Variants in THSD7A observed in about 807,000 individuals in gnomAD.
The protein encoded by THSD7A is thrombospondin type-1 domain-containing protein 7A.
THSD7A carries 96 observed loss-of-function variants against 231.3 expected under a neutral mutation model. That is an observed-to-expected ratio of 0.41 (90% CI 0.35 to 0.49). The LOEUF is 0.49. THSD7A is among the 20% of genes least tolerant of loss of function. The pLI, the probability that THSD7A is intolerant of heterozygous loss-of-function variation, is 0.05. For missense variants in THSD7A, 2,290 were observed against 2,070.2 expected (o/e 1.11, Z -2.06); for synonymous variants, 940 against 743.3 (o/e 1.26, Z -4.30).
intron 1 of THSD7A, among the ~76,000 whole-genome samples, chr7:11,821,896 A>G (rs745854462): frequency 2.9e-4 from 44 of 152,198 alleles, no homozygotes; most frequent in Non-Finnish European, 5.1e-4. Flanking sequence ...CACATACTAA[A>G]CTGTAAAATA....
chr7:11,769,167 TTGGTA>T (rs1296009744), intron 1 of THSD7A, among the ~76,000 whole-genome samples: 23 of 111,548 alleles, frequency 2.1e-4, no homozygotes, highest in Admixed American at 3.0e-4. Context: ...TTTTTTTTTT[TTGGTA>T]TTTTTGTAGA....
At chr7:11,812,282 A>G (rs1784553570) in intron 1 of THSD7A, among the ~76,000 whole-genome samples, 1 of 152,066 alleles carries the variant, frequency 6.6e-6, no homozygotes, top group South Asian at 2.1e-4. Flanking sequence ...CTTTCAAGAA[A>G]ATTCACAGTA....
At chr7:11,762,923 A>G (rs1269453997) in intron 1 of THSD7A, among the ~76,000 whole-genome samples, 1 of 152,196 alleles carries the variant, frequency 6.6e-6, no homozygotes, top group Non-Finnish European at 1.5e-5. Context: ...CACGTTACCT[A>G]TGTCATTTTT....
intron 4 of THSD7A, 41 bp from the exon 5 acceptor site, chr7:11,543,158 G>T: frequency 6.4e-7 from 1 of 1,564,780 alleles, no homozygotes; most frequent in Non-Finnish European, 8.7e-7. Flanking sequence ...ATGAACAAAA[G>T]GAACATATAT....
intron 4 of THSD7A, among the ~76,000 whole-genome samples, chr7:11,563,697 T>G (rs1385469406): frequency 6.6e-6 from 1 of 152,178 alleles, no homozygotes; most frequent in Non-Finnish European, 1.5e-5. Context: ...TTTTGTTCTT[T>G]TAAACCAAGA....
At chr7:11,448,662 G>C (rs1370400090) in intron 11 of THSD7A, among the ~76,000 whole-genome samples, 1 of 152,070 alleles carries the variant, frequency 6.6e-6, no homozygotes. Flanking sequence ...GGAGTGCAGG[G>C]CTTTGTAATA....
chr7:11,383,763 T>C (rs1782618912), intron 23 of THSD7A: 1 of 152,028 alleles, frequency 6.6e-6, no homozygotes, highest in Admixed American at 6.6e-5. Context: ...ATTTAAACAT[T>C]TGGCCTTCTA....
intron 1 of THSD7A, among the ~76,000 whole-genome samples, chr7:11,743,025 A>G (rs1184755363): frequency 6.6e-6 from 1 of 151,910 alleles, no homozygotes. Flanking sequence ...TACTACATCA[A>G]GGTTCATTCA....
At chr7:11,539,448 A>T (rs1322478011) in intron 6 of THSD7A, among the ~76,000 whole-genome samples, 1 of 152,216 alleles carries the variant, frequency 6.6e-6, no homozygotes, top group African/African-American at 2.4e-5. Flanking sequence ...TTGCATACTT[A>T]CCTTTTTAAA....
intron 4 of THSD7A, among the ~76,000 whole-genome samples, chr7:11,546,195 G>GGCGTGTGTGTGTGTGCGCGC (rs752700561): frequency 8.9e-5 from 7 of 78,698 alleles, no homozygotes; most frequent in African/African-American, 3.5e-4. Flanking sequence ...TGCTGGTGTG[G>GGCGTGTGTGTGTGTGCGCGC]GCGCGCGCTC....
intron 2 of THSD7A, among the ~76,000 whole-genome samples, chr7:11,595,408 C>G (rs935384649): frequency 6.6e-6 from 1 of 151,922 alleles, no homozygotes; most frequent in African/African-American, 2.4e-5. Context: ...TTGATTTGGG[C>G]CCACTAAGTA....
intron 7 of THSD7A, 54 bp downstream of exon 7, chr7:11,481,734 A>G (rs1027705681): frequency 6.7e-7 from 1 of 1,482,906 alleles, no homozygotes; most frequent in Admixed American, 2.1e-5. Flanking sequence ...CACAAAAAAG[A>G]TGCACACTAA....
chr7:11,405,141 C>T (rs1783539732), intron 22 of THSD7A, among the ~76,000 whole-genome samples: 1 of 135,718 alleles, frequency 7.4e-6, no homozygotes, highest in Admixed American at 8.3e-5. Flanking sequence ...CCATTTTTAT[C>T]ATCTCAAATG....
At chr7:11,785,523 AGT>A (rs1261316505) in intron 1 of THSD7A, among the ~76,000 whole-genome samples, 2 of 152,142 alleles carry the variant, frequency 1.3e-5, no homozygotes, top group Non-Finnish European at 2.9e-5. Flanking sequence ...GGTGTTTTAC[AGT>A]GTGTGAAATA....
intron 1 of THSD7A, among the ~76,000 whole-genome samples, chr7:11,776,436 TA>T (rs1286897981): frequency 2.0e-5 from 3 of 152,126 alleles, no homozygotes; most frequent in East Asian, 3.9e-4. Context: ...AAAAAGCAAA[TA>T]AAAAAAGCCC....
chr7:11,615,364 C>A (rs929061642), intron 2 of THSD7A, among the ~76,000 whole-genome samples: 5 of 152,190 alleles, frequency 3.3e-5, no homozygotes, highest in Non-Finnish European at 7.3e-5. Context: ...CTGGAGCTGT[C>A]TCCTCGTGGA....
chr7:11,691,622 C>T (rs1044416391), intron 1 of THSD7A, among the ~76,000 whole-genome samples: 1 of 151,276 alleles, frequency 6.6e-6, no homozygotes, highest in Non-Finnish European at 1.5e-5. Flanking sequence ...TATATCTATA[C>T]ATAATAACAT....
intron 4 of THSD7A, among the ~76,000 whole-genome samples, chr7:11,568,656 C>CAAAAAAAAAAAAAA (rs1562728058): frequency 2.3e-5 from 2 of 88,622 alleles, no homozygotes; most frequent in Non-Finnish European, 2.2e-5. Context: ...AAAAAAAAAC[C>CAAAAAAAAAAAAAA]AAAATCTGGA....
intron 1 of THSD7A, among the ~76,000 whole-genome samples, chr7:11,805,630 CA>C (rs1372725028): frequency 6.6e-6 from 1 of 151,982 alleles, no homozygotes; most frequent in Non-Finnish European, 1.5e-5. Flanking sequence ...TTTATTCATT[CA>C]CATATCATTA....
Sources: gnomAD v4.1 joint callset for allele counts (sites outside exome capture counted in the v4.1 genomes callset) on GRCh38, gnomAD v4.1.1 for gene constraint, MANE v1.5 for transcripts, NCBI Gene and HGNC (gene_info 2026-07-23, HGNC 2026-07-21) for gene names.